Variants in LYPLAL1 observed in about 807,000 individuals in gnomAD.
The protein encoded by LYPLAL1 is lysophospholipase-like protein 1.
In LYPLAL1, 23 loss-of-function variants were observed where a neutral mutation model predicts 19.7. The observed-to-expected ratio is 1.17, with a 90% CI of 0.84 to 1.65. The LOEUF (loss-of-function observed/expected upper bound fraction) is 1.65, where lower values mean the gene tolerates loss of function less well. LYPLAL1 is among the 40% of genes most tolerant of loss of function. The probability of loss-of-function intolerance (pLI) is 0.00; values close to 1 mark genes in which losing one functional copy is unlikely to be tolerated. For synonymous variants in LYPLAL1, 119 were observed against 96.3 expected, an observed-to-expected ratio of 1.24 and a Z score of -1.38; for missense variants, 355 against 279.4, an observed-to-expected ratio of 1.27 and a Z score of -1.93.
chr1:219,444,180 C>T, the LYPLAL1 span, among the ~76,000 whole-genome samples: 1 of 152,176 alleles, frequency 6.6e-6, no homozygotes, highest in African/African-American at 2.4e-5. Flanking sequence ...TACCCAGACA[C>T]CTTGTTCCCT....
chr1:219,369,821 G>A, the LYPLAL1 span, among the ~76,000 whole-genome samples: 15 of 152,330 alleles, frequency 9.8e-5, no homozygotes, highest in African/African-American at 2.6e-4. Context: ...ACTGTGATAC[G>A]AATTAGAACT....
At chr1:219,179,781 G>A (rs1280621688) in intron 2 of LYPLAL1, among the ~76,000 whole-genome samples, 1 of 152,092 alleles carries the variant, frequency 6.6e-6, no homozygotes, top group African/African-American at 2.4e-5. Flanking sequence ...GTAGGTGTGT[G>A]CAAAAAATTC....
At chr1:219,364,274 A>C in the LYPLAL1 span, among the ~76,000 whole-genome samples, 1 of 152,146 alleles carries the variant, frequency 6.6e-6, no homozygotes, top group Non-Finnish European at 1.5e-5. Flanking sequence ...GTATATGTAC[A>C]TGTGTGTATT....
the LYPLAL1 span, among the ~76,000 whole-genome samples, chr1:219,333,230 C>T: frequency 1.3e-5 from 2 of 152,060 alleles, no homozygotes; most frequent in African/African-American, 4.8e-5. Flanking sequence ...TTTAATTTCA[C>T]TTTGCCATAT....
At chr1:219,420,554 A>G in the LYPLAL1 span, among the ~76,000 whole-genome samples, 1 of 152,142 alleles carries the variant, frequency 6.6e-6, no homozygotes, top group Non-Finnish European at 1.5e-5. Context: ...AGAGCAGCTC[A>G]TACACTGATG....
At chr1:219,364,718 G>A in the LYPLAL1 span, among the ~76,000 whole-genome samples, 362 of 152,236 alleles carry the variant, frequency 2.4e-3, 3 homozygotes, top group African/African-American at 8.4e-3. Flanking sequence ...TTCTGCAGAA[G>A]AATCAAACAG....
At chr1:219,347,108 C>T in the LYPLAL1 span, among the ~76,000 whole-genome samples, 1 of 152,148 alleles carries the variant, frequency 6.6e-6, no homozygotes, top group South Asian at 2.1e-4. Context: ...CTTAAACTGA[C>T]ATCATCAATT....
chr1:219,274,284 C>T, the LYPLAL1 span, among the ~76,000 whole-genome samples: 1 of 152,182 alleles, frequency 6.6e-6, no homozygotes, highest in East Asian at 1.9e-4. Flanking sequence ...CCAACTAGTT[C>T]ATCAGGGGTT....
rs149791429 is a variant in LYPLAL1, at chr1:219,173,956, C to T, written c.66C>T (p.Ala22=). 551 of 1,614,066 alleles carry T rather than the reference C, an allele frequency of 3.4e-4. 2 individuals carry two copies. The African/African-American group carries it at 6.6e-3, about 19-fold the overall frequency. The change falls in exon 1 of 5, where the codon GCC becomes GCT. Residue 22 remains alanine, a synonymous_variant. Coordinates refer to ENST00000366928, the MANE Select transcript of LYPLAL1 (RefSeq NM_138794.5). ...CIVSPAGRHS[A]SLIFLHGSGD... ...TGTCGCCGGCAGGGAGGCATAGCGC[C>T]TCTCTGATCTTCCTGCATGGCTCAG...
chr1:219,251,551 T>G, the LYPLAL1 span, among the ~76,000 whole-genome samples: 1 of 44,202 alleles, frequency 2.3e-5, no homozygotes, highest in African/African-American at 6.1e-5. Context: ...CCCCACTGAT[T>G]TTTTTTTGTC....
the LYPLAL1 span, among the ~76,000 whole-genome samples, chr1:219,432,653 A>T: frequency 6.6e-6 from 1 of 152,234 alleles, no homozygotes; most frequent in African/African-American, 2.4e-5. Context: ...ACAGGGAATC[A>T]GAGGGTCTCC....
At chr1:219,252,291 G>T in the LYPLAL1 span, among the ~76,000 whole-genome samples, 5 of 151,978 alleles carry the variant, frequency 3.3e-5, no homozygotes, top group Admixed American at 6.6e-5. Context: ...TTCCCTGATT[G>T]GTCTAGCTGG....
the LYPLAL1 span, among the ~76,000 whole-genome samples, chr1:219,283,930 AT>A: frequency 3.9e-5 from 6 of 152,270 alleles, no homozygotes; most frequent in East Asian, 9.6e-4. Context: ...AATTGTTCTT[AT>A]GGTGATATGG....
chr1:219,181,808 C>T (rs548078177), intron 2 of LYPLAL1, among the ~76,000 whole-genome samples: 36 of 152,144 alleles, frequency 2.4e-4, no homozygotes, highest in African/African-American at 7.9e-4. Flanking sequence ...GACTAATTTT[C>T]TAGAGCAGTT....
the LYPLAL1 span, among the ~76,000 whole-genome samples, chr1:219,281,250 C>G: frequency 1.8e-4 from 28 of 151,764 alleles, no homozygotes; most frequent in Non-Finnish European, 4.1e-4. Flanking sequence ...TAAACACATG[C>G]AATTAATATC....
At chr1:219,234,482 T>A in the LYPLAL1 span, among the ~76,000 whole-genome samples, 33 of 152,232 alleles carry the variant, frequency 2.2e-4, no homozygotes, top group African/African-American at 7.7e-4. Context: ...GTATAAAGGA[T>A]TCCCATACTT....
At chr1:219,414,150 T>C in the LYPLAL1 span, among the ~76,000 whole-genome samples, 1 of 152,204 alleles carries the variant, frequency 6.6e-6, no homozygotes, top group East Asian at 1.9e-4. Context: ...CAGATTTCCT[T>C]AGCCCTTTCG....
At chr1:219,306,499 TAAG>T in the LYPLAL1 span, among the ~76,000 whole-genome samples, 2 of 152,304 alleles carry the variant, frequency 1.3e-5, no homozygotes, top group East Asian at 3.9e-4. Flanking sequence ...TAAAGTCTAG[TAAG>T]AAAGAATTCC....
the LYPLAL1 span, among the ~76,000 whole-genome samples, chr1:219,307,786 G>T: frequency 1.3e-5 from 2 of 152,158 alleles, no homozygotes; most frequent in Admixed American, 1.3e-4. Flanking sequence ...CATGAGATCT[G>T]ATGGTTTTAT....
Sources: allele counts gnomAD v4.1 joint callset (sites outside exome capture counted in the v4.1 genomes callset), GRCh38; gene constraint gnomAD v4.1.1; transcripts MANE v1.5; gene names NCBI Gene and HGNC (gene_info 2026-07-23, HGNC 2026-07-21).